The following PDE7B variants were observed in gnomAD, a reference collection of about 807,000 sequenced individuals.
PDE7B encodes the protein 3',5'-cyclic-AMP phosphodiesterase 7B.
Under a neutral mutation model 56.2 loss-of-function variants are expected in PDE7B, and 29 were observed. The observed-to-expected ratio is 0.52, with a 90% CI of 0.38 to 0.70. The LOEUF (loss-of-function observed/expected upper bound fraction) is 0.70, where lower values mean the gene tolerates loss of function less well. Among genes scored for constraint, PDE7B ranks in the 30% least tolerant of loss-of-function variants. The pLI is 0.00. For missense variants in PDE7B, 490 were observed against 565.0 expected, an observed-to-expected ratio of 0.87 and a Z score of 1.35; for synonymous variants, 197 against 196.9, an observed-to-expected ratio of 1.00 and a Z score of 0.00.
chr6:136,014,119 C>T (rs957606509), intron 2 of PDE7B, among the ~76,000 whole-genome samples: 8 of 152,078 alleles, frequency 5.3e-5, no homozygotes, highest in Non-Finnish European at 7.4e-5. Flanking sequence ...GAGTAATTTC[C>T]CCCTTTCAAG....
At chr6:136,056,276 C>T (rs1308403930) in intron 2 of PDE7B, among the ~76,000 whole-genome samples, 2 of 152,188 alleles carry the variant, frequency 1.3e-5, no homozygotes, top group African/African-American at 4.8e-5. Context: ...GGAAACCAAG[C>T]TTTAATTAAG....
intron 2 of PDE7B, among the ~76,000 whole-genome samples, chr6:136,024,810 A>G (rs935473026): frequency 1.3e-5 from 2 of 152,226 alleles, no homozygotes; most frequent in African/African-American, 4.8e-5. Flanking sequence ...CAAAGGTTCT[A>G]GAGAAAAAGC....
At chr6:135,928,928 A>C (rs1421762819) in intron 1 of PDE7B, among the ~76,000 whole-genome samples, 1 of 152,142 alleles carries the variant, frequency 6.6e-6, no homozygotes, top group Non-Finnish European at 1.5e-5. Context: ...TTACCCATGT[A>C]ACAAACCTGC....
chr6:135,866,792 T>C (rs116016443), intron 1 of PDE7B, among the ~76,000 whole-genome samples: 2,361 of 152,300 alleles, frequency 0.016, 64 homozygotes, highest in African/African-American at 0.054. Context: ...CGTAAACACA[T>C]AAAAGATTAT....
At chr6:136,008,960 G>A (rs1775838504) in intron 2 of PDE7B, among the ~76,000 whole-genome samples, 1 of 151,902 alleles carries the variant, frequency 6.6e-6, no homozygotes, top group African/African-American at 2.4e-5. Context: ...GGGTTTTTAT[G>A]GTTTTAGGTC....
At chr6:135,926,790 C>T (rs11154829) in intron 1 of PDE7B, among the ~76,000 whole-genome samples, 33,615 of 151,922 alleles carry the variant, frequency 0.22, 4,528 homozygotes, top group Admixed American at 0.31. Flanking sequence ...TTCTACTGTG[C>T]GGCAAGTGCT....
intron 2 of PDE7B, among the ~76,000 whole-genome samples, chr6:136,006,299 T>C (rs1376876591): frequency 6.6e-6 from 1 of 151,722 alleles, no homozygotes; most frequent in Non-Finnish European, 1.5e-5. Flanking sequence ...GACACATGTA[T>C]ACATATGTAA....
intron 1 of PDE7B, among the ~76,000 whole-genome samples, chr6:135,925,322 C>A (rs919493078): frequency 6.6e-6 from 1 of 151,852 alleles, no homozygotes; most frequent in Non-Finnish European, 1.5e-5. Context: ...AGTTGAAATC[C>A]CTCACATTAT....
At chr6:135,967,616 A>G (rs1223583281) in intron 2 of PDE7B, among the ~76,000 whole-genome samples, 1 of 152,204 alleles carries the variant, frequency 6.6e-6, no homozygotes, top group Admixed American at 6.5e-5. Context: ...CTTGCCAAGC[A>G]AATATTCCTG....
At chr6:136,002,269 A>C (rs1159924128) in intron 2 of PDE7B, among the ~76,000 whole-genome samples, 4 of 152,232 alleles carry the variant, frequency 2.6e-5, no homozygotes, top group Non-Finnish European at 4.4e-5. Flanking sequence ...AAGACCGTCA[A>C]GGCTAGGAAG....
chr6:135,879,892 A>G lies in PDE7B; in HGVS notation c.21+27873A>G, dbSNP rs924120856. 1.6e-4 allele frequency among the ~76,000 whole-genome samples: 25 copies of G among 152,196 alleles called. No homozygotes were observed. In the East Asian group the frequency reaches 3.5e-3, roughly 21 times the overall value. On this transcript the variant is annotated intron_variant, in intron 1 of 12. Transcript: ENST00000308191. The stretch of plus-strand genomic sequence containing the variant: ...AGATTGTATTGATGCTTGCTGATAC[A>G]AAGAACTCTTAGACATTGGGAATGA...
chr6:136,038,234 A>C (rs750428653), intron 2 of PDE7B: 15 of 1,300,430 alleles, frequency 1.2e-5, no homozygotes, highest in Non-Finnish European at 1.5e-5. Flanking sequence ...CAGCAACAGC[A>C]GCAGCAGCAG....
intron 2 of PDE7B, among the ~76,000 whole-genome samples, chr6:136,039,390 T>A (rs576476122): frequency 4.6e-5 from 7 of 152,230 alleles, no homozygotes; most frequent in African/African-American, 9.6e-5. Context: ...TGTGTGTTTA[T>A]GCATCTGAAG....
At chr6:135,940,649 T>C (rs1583785254) in intron 1 of PDE7B, among the ~76,000 whole-genome samples, 2 of 152,304 alleles carry the variant, frequency 1.3e-5, no homozygotes, top group Middle Eastern at 6.8e-3. Flanking sequence ...TACCATTCAG[T>C]TCTTGGTTGG....
intron 2 of PDE7B, among the ~76,000 whole-genome samples, chr6:136,102,202 G>A (rs1387187617): frequency 1.4e-5 from 2 of 144,034 alleles, no homozygotes; most frequent in African/African-American, 5.0e-5. Flanking sequence ...TACACATAAA[G>A]CCCTTCAAAC....
At chr6:136,035,239 T>C (rs1776307873) in intron 2 of PDE7B, 1 of 152,158 alleles carries the variant, frequency 6.6e-6, no homozygotes, top group Non-Finnish European at 1.5e-5. Flanking sequence ...AGATGAATGA[T>C]GTCCACTGAG....
At chr6:135,995,561 C>T (rs1425305795) in intron 2 of PDE7B, among the ~76,000 whole-genome samples, 1 of 151,146 alleles carries the variant, frequency 6.6e-6, no homozygotes, top group African/African-American at 2.5e-5. Context: ...TTGGTCTCTT[C>T]TGAGGAGAAT....
At chr6:136,082,141 C>T (rs554865923) in intron 2 of PDE7B, among the ~76,000 whole-genome samples, 11 of 152,262 alleles carry the variant, frequency 7.2e-5, no homozygotes, top group Middle Eastern at 3.4e-3. Context: ...GTGGTCCTGA[C>T]GCATCCGTAA....
intron 2 of PDE7B, among the ~76,000 whole-genome samples, chr6:136,050,410 A>AT (rs1050073836): frequency 2.2e-4 from 24 of 110,618 alleles, no homozygotes; most frequent in South Asian, 6.1e-4. Flanking sequence ...TCACCAGAAA[A>AT]TTAAAAAAAA....
Sources: allele counts gnomAD v4.1 joint callset (sites outside exome capture counted in the v4.1 genomes callset), GRCh38; gene constraint gnomAD v4.1.1; transcripts MANE v1.5; gene names NCBI Gene and HGNC (gene_info 2026-07-23, HGNC 2026-07-21).